OPA1: variants seen among roughly 807,000 people sequenced by gnomAD.
OPA1 encodes the protein dynamin-like GTPase OPA1, mitochondrial.
In OPA1, 59 loss-of-function variants were observed where a neutral mutation model predicts 152.9. The ratio of observed to expected loss-of-function variants is 0.39; its 90% CI spans 0.31 to 0.48. OPA1 has a LOEUF of 0.48. OPA1 is among the 20% of genes least tolerant of loss of function. The pLI, the probability that OPA1 is intolerant of heterozygous loss-of-function variation, is 0.96. For missense variants in OPA1, 1,008 were observed against 1,216.8 expected (o/e 0.83, Z 2.55); for synonymous variants, 400 against 389.9 (o/e 1.03, Z -0.31).
intron 28 of OPA1, among the ~76,000 whole-genome samples, chr3:193,666,895 CTG>C (rs1716685356): frequency 6.6e-6 from 1 of 151,986 alleles, no homozygotes; most frequent in Admixed American, 6.5e-5. Context: ...GCATGAAACT[CTG>C]TTGGGAATGG....
chr3:193,595,765 C>T (rs1039331325), intron 1 of OPA1, among the ~76,000 whole-genome samples: 3 of 152,080 alleles, frequency 2.0e-5, no homozygotes, highest in African/African-American at 4.8e-5. Context: ...ATTTCTGAGA[C>T]GTTTTTCTCT....
chr3:193,614,837 G>A lies in OPA1; in HGVS notation c.147G>A (p.Lys49=), dbSNP rs769786073. ...ATCATTCACATCATCCTACCTTAAAGCTTCAACGACCCCAATTAAGGACAT... is the reference window on the plus strand; with the variant it reads ...ATCATTCACATCATCCTACCTTAAAACTTCAACGACCCCAATTAAGGACAT... ...SIYHSHHPTL[K]LQRPQLRTSF... The change falls in exon 2 of 31, where the codon AAG becomes AAA. Residue 49 remains lysine, a synonymous_variant. Transcript: ENST00000361510. 2 of 1,613,988 alleles carry A rather than the reference G, an allele frequency of 1.2e-6. No individual in the cohort carries two copies. Among genetic ancestry groups the A allele is most frequent in the Non-Finnish European group, 1.7e-6 (2 of 1,179,880 alleles).
intron 11 of OPA1, among the ~76,000 whole-genome samples, chr3:193,638,458 A>C (rs992296091): frequency 6.6e-6 from 1 of 152,152 alleles, no homozygotes; most frequent in African/African-American, 2.4e-5. Flanking sequence ...AAGGTTTTTA[A>C]CCCTTTTCCT....
rs545756145 is a variant in OPA1 at position 193,677,750 on chromosome 3, C to G, written c.2983+10470C>G. Among the ~76,000 whole-genome samples, 3 of 152,312 alleles carry G rather than the reference C, an allele frequency of 2.0e-5. No homozygotes were observed. The East Asian group carries it at 5.8e-4, about 29-fold the overall frequency. On this transcript the variant is annotated intron_variant, in intron 29 of 30. Coordinates refer to ENST00000361510, the MANE Select transcript of OPA1 (RefSeq NM_130837.3). ...CCCCAGTGAGCACGATTCAGAATTA[C>G]TTTGAAATGTTGTAGTCTTAATTAT...
At chr3:193,632,918 T>C (rs1732322581) in intron 8 of OPA1, among the ~76,000 whole-genome samples, 1 of 152,166 alleles carries the variant, frequency 6.6e-6, no homozygotes, top group African/African-American at 2.4e-5. Flanking sequence ...TGTGAAAAAG[T>C]GAAACGACTA....
chr3:193,606,040 C>G (rs1192161908), intron 1 of OPA1, among the ~76,000 whole-genome samples: 2 of 152,124 alleles, frequency 1.3e-5, no homozygotes, highest in African/African-American at 2.4e-5. Context: ...TTAGAGCCTC[C>G]TTTAAGTTGA....
intron 1 of OPA1, among the ~76,000 whole-genome samples, chr3:193,596,347 T>TTTTC (rs1560301441): frequency 7.1e-6 from 1 of 140,658 alleles, no homozygotes; most frequent in Non-Finnish European, 1.5e-5. Context: ...TTTTCTTTTC[T>TTTTC]TTTCTTTTCT....
At position 193,654,997 on chromosome 3, in the gene OPA1, T is replaced by A; in HGVS notation, c.2148T>A (p.Thr716=). 6.2e-7 allele frequency: 1 copy of A among 1,613,962 alleles called. No individual in the cohort carries two copies. The highest frequency in any genetic ancestry group is 8.5e-7 in the Non-Finnish European group (1 of 1,179,928). The change falls in exon 22 of 31, where the codon ACT becomes ACA. Residue 716 remains threonine (T), a synonymous_variant. Transcript: ENST00000361510. ...TTVDIKLKQW[T]DKQLPNKAVE... ...TGGATATCAAGCTTAAACAGTGGAC[T>A]GATAAACAACTTCCTAATAAAGCAG...
At chr3:193,635,610 T>C in intron 9 of OPA1, 88 bp downstream of exon 9, 1 of 796,104 alleles carries the variant, frequency 1.3e-6, no homozygotes, top group Admixed American at 1.8e-5. Context: ...AGCTGTAAAG[T>C]ATTCTGTCAT....
At chr3:193,641,322 TCCAGTTTTTTGTTTC>T (rs1456528505) in intron 11 of OPA1, among the ~76,000 whole-genome samples, 6 of 152,250 alleles carry the variant, frequency 3.9e-5, no homozygotes, top group African/African-American at 1.2e-4. Flanking sequence ...AACCCTGAAT[TCCAGTTTTTTGTTTC>T]CCTAGAGCAG....
At chr3:193,691,618 T>C (rs1721700416) in intron 29 of OPA1, 1 of 155,076 alleles carries the variant, frequency 6.4e-6, no homozygotes, top group African/African-American at 2.4e-5. Context: ...TACTACTTTA[T>C]ATTTAAAAAG....
At chr3:193,666,098 A>G (rs1273171649) in intron 27 of OPA1, among the ~76,000 whole-genome samples, 198 bp from the exon 28 acceptor site, 1 of 152,234 alleles carries the variant, frequency 6.6e-6, no homozygotes, top group Non-Finnish European at 1.5e-5. Flanking sequence ...TCAGACAGAT[A>G]TAAGCCAAAT....
At chr3:193,690,205 T>G in intron 29 of OPA1, among the ~76,000 whole-genome samples, 1 of 151,194 alleles carries the variant, frequency 6.6e-6, no homozygotes, top group Non-Finnish European at 1.5e-5. Flanking sequence ...TTTTTTTAAG[T>G]TTCTCTAGTT....
intron 6 of OPA1, chr3:193,624,186 T>G (rs190231729): frequency 2.0e-5 from 3 of 152,368 alleles, no homozygotes; most frequent in African/African-American, 7.2e-5. Flanking sequence ...AAATGTGGAA[T>G]ATGGCTGATC....
At chr3:193,679,327 G>A (rs1415312939) in intron 29 of OPA1, among the ~76,000 whole-genome samples, 2 of 142,204 alleles carry the variant, frequency 1.4e-5, no homozygotes, top group Non-Finnish European at 3.1e-5. Flanking sequence ...GGGAGGGAGG[G>A]AAGAAAATGC....
Position 193,619,232 on chromosome 3 carries a change from G to A in OPA1, c.678+296G>A, listed in dbSNP as rs9817704. Among the ~76,000 whole-genome samples the A allele has an allele frequency of 0.5, 75,394 of 151,978 alleles. 19,078 individuals carry two copies. The highest frequency in any genetic ancestry group is 0.57 in the African/African-American group (23,418 of 41,404). On this transcript the variant is annotated intron_variant, in intron 6 of 30. Transcript: ENST00000361510. ...GGGGGAGAAAGGCTCGTTTAGACAA[G>A]GCAAGCGGACTTCTTTTCTTTCCCT...
chr3:193,690,977 G>A (rs1374392591), intron 29 of OPA1, among the ~76,000 whole-genome samples: 1 of 152,192 alleles, frequency 6.6e-6, no homozygotes, highest in Non-Finnish European at 1.5e-5. Flanking sequence ...ACTTTGGGAG[G>A]CCAAGGCAGG....
At chr3:193,628,775 TTG>T (rs1397720380) in intron 7 of OPA1, among the ~76,000 whole-genome samples, 4 of 152,328 alleles carry the variant, frequency 2.6e-5, no homozygotes, top group African/African-American at 7.2e-5. Flanking sequence ...TGAAAATAGC[TTG>T]TGTTATTCTC....
chr3:193,594,845 A>G (rs1725259151), intron 1 of OPA1, among the ~76,000 whole-genome samples: 1 of 152,218 alleles, frequency 6.6e-6, no homozygotes, highest in Non-Finnish European at 1.5e-5. Flanking sequence ...TATTAAAGTA[A>G]GTTATTTACA....
Sources: allele counts gnomAD v4.1 joint callset (sites outside exome capture counted in the v4.1 genomes callset), GRCh38; gene constraint gnomAD v4.1.1; transcripts MANE v1.5; gene names NCBI Gene and HGNC (gene_info 2026-07-23, HGNC 2026-07-21).